Variants in PARD3B observed in about 807,000 individuals in gnomAD.
PARD3B encodes par-3 family cell polarity regulator beta.
In PARD3B, 103 loss-of-function variants were observed where a neutral mutation model predicts 130.2. The ratio of observed to expected loss-of-function variants is 0.79; its 90% CI spans 0.67 to 0.93. The LOEUF is 0.93. Among genes scored for constraint, PARD3B ranks in the 40% least tolerant of loss-of-function variants. The pLI, the probability that PARD3B is intolerant of heterozygous loss-of-function variation, is 0.00. For synonymous variants in PARD3B, 583 were observed against 553.2 expected (o/e 1.05, Z -0.76); for missense variants, 1,609 against 1,499.2 (o/e 1.07, Z -1.21).
intron 21 of PARD3B, among the ~76,000 whole-genome samples, chr2:205,524,002 C>T (rs964240963): frequency 6.6e-6 from 1 of 151,844 alleles, no homozygotes; most frequent in Non-Finnish European, 1.5e-5. Context: ...GACTGCTTCC[C>T]AAGGTTTTTT....
At chr2:204,905,043 G>A (rs1027309205) in intron 2 of PARD3B, among the ~76,000 whole-genome samples, 4 of 152,134 alleles carry the variant, frequency 2.6e-5, no homozygotes, top group Non-Finnish European at 5.9e-5. Context: ...AGATAAATTT[G>A]GGATTGAATC....
intron 2 of PARD3B, among the ~76,000 whole-genome samples, chr2:204,752,263 T>C (rs1370944552): frequency 3.9e-5 from 6 of 152,190 alleles, no homozygotes; most frequent in Non-Finnish European, 7.3e-5. Flanking sequence ...TTTATGTCTT[T>C]ATGATTCCAT....
rs1049514955 is a variant in PARD3B, at chr2:205,091,345, T to G, written c.505-13081T>G. Reference sequence around the variant, plus strand: ...AAACTGCATCATTTACACTGGGAGGTTTGTATGTGGAGTGATGTATTTTCA... The same window carrying G: ...AAACTGCATCATTTACACTGGGAGGGTTGTATGTGGAGTGATGTATTTTCA... On this transcript the variant is annotated intron_variant, in intron 4 of 22. Coordinates refer to ENST00000406610, the MANE Select transcript of PARD3B (RefSeq NM_001302769.2). This position sits in a 1 kb window ranked among gnomAD's most constrained non-coding sequence, Gnocchi z 4.2. 2.0e-5 allele frequency among the ~76,000 whole-genome samples: 3 copies of G among 152,048 alleles called. No homozygotes were observed. Among genetic ancestry groups the G allele is most frequent in the African/African-American group, 7.2e-5 (3 of 41,386 alleles).
At chr2:204,765,641 G>T (rs1239431645) in intron 2 of PARD3B, among the ~76,000 whole-genome samples, 1 of 151,968 alleles carries the variant, frequency 6.6e-6, no homozygotes, top group Non-Finnish European at 1.5e-5. Context: ...CTATTGCTAT[G>T]CAATAAAAAA....
In PARD3B at chr2:205,421,907, A is replaced by G. The variant is rs1172444141; in HGVS notation, c.2742-18463A>G. On this transcript the variant is annotated intron_variant, in intron 19 of 22. Coordinates refer to ENST00000406610, the MANE Select transcript of PARD3B (RefSeq NM_001302769.2). This position sits in a 1 kb window ranked among gnomAD's most constrained non-coding sequence, Gnocchi z 5.1. ...CCGTTGTCACTTGGCCTTCTCTCTCAGACCTTGCTTTGTCTGTTTCCATCA... is the reference window on the plus strand; with the variant it reads ...CCGTTGTCACTTGGCCTTCTCTCTCGGACCTTGCTTTGTCTGTTTCCATCA... 6.6e-6 allele frequency among the ~76,000 whole-genome samples: 1 copy of G among 152,170 alleles called. No individual in the cohort carries two copies. The highest frequency in any genetic ancestry group is 1.9e-4 in the East Asian group (1 of 5,200).
rs2034428832 is a variant in PARD3B at position 205,160,225 on chromosome 2, A to T, written c.1620+1318A>T. On this transcript the variant is annotated intron_variant, in intron 11 of 22. Transcript: ENST00000406610. The surrounding 1 kb of genome is among the most constrained non-coding windows in gnomAD (Gnocchi z 4.0). Reference sequence around the variant, plus strand: ...GTCATAATTTTTCAGTAATATACACATCAATAAGCCTTTATTTTTCTCATA... The same window carrying T: ...GTCATAATTTTTCAGTAATATACACTTCAATAAGCCTTTATTTTTCTCATA... Among the ~76,000 whole-genome samples, 1 of 152,204 alleles carries T rather than the reference A, an allele frequency of 6.6e-6. No individual in the cohort carries two copies. The highest frequency in any genetic ancestry group is 2.4e-5 in the African/African-American group (1 of 41,450).
chr2:205,043,282 T>C (rs1049124253), intron 3 of PARD3B, among the ~76,000 whole-genome samples: 1 of 152,132 alleles, frequency 6.6e-6, no homozygotes, highest in African/African-American at 2.4e-5. Flanking sequence ...CAGCTCACAA[T>C]AAATAACAAG....
chr2:205,455,505 G>A (rs1334050819), intron 20 of PARD3B, among the ~76,000 whole-genome samples: 3 of 151,840 alleles, frequency 2.0e-5, no homozygotes, highest in Non-Finnish European at 2.9e-5. Flanking sequence ...AAGTTGGGTA[G>A]GGAATTACAA....
chr2:204,972,443 A>G (rs1217952530), intron 3 of PARD3B, among the ~76,000 whole-genome samples: 1 of 152,086 alleles, frequency 6.6e-6, no homozygotes, highest in African/African-American at 2.4e-5. Flanking sequence ...TTTTATATTC[A>G]GTTAACTTTT....
At chr2:205,252,853 C>CA (rs770957813) in intron 16 of PARD3B, among the ~76,000 whole-genome samples, 10,572 of 80,360 alleles carry the variant, frequency 0.13, 1,120 homozygotes, top group East Asian at 0.33. Context: ...CCCCCCCCAC[C>CA]AAAAAAAAAA....
intron 16 of PARD3B, among the ~76,000 whole-genome samples, chr2:205,248,621 T>C: frequency 7.0e-6 from 1 of 143,676 alleles, no homozygotes; most frequent in Non-Finnish European, 1.5e-5. Context: ...TTTTTTTTTT[T>C]TTTTTGAGAC....
At chr2:205,434,120 C>A (rs2047430917) in intron 19 of PARD3B, among the ~76,000 whole-genome samples, 1 of 152,210 alleles carries the variant, frequency 6.6e-6, no homozygotes, top group Admixed American at 6.5e-5. Flanking sequence ...CTTCCACCAG[C>A]AGTGTGTGAA....
intron 2 of PARD3B, among the ~76,000 whole-genome samples, chr2:204,850,715 G>T (rs1247936107): frequency 6.6e-6 from 1 of 152,152 alleles, no homozygotes; most frequent in Non-Finnish European, 1.5e-5. Flanking sequence ...CCTTAGCTGA[G>T]CAGGCACTGA....
At chr2:204,711,992 G>GT (rs1166853289) in intron 2 of PARD3B, among the ~76,000 whole-genome samples, 1 of 152,160 alleles carries the variant, frequency 6.6e-6, no homozygotes, top group East Asian at 1.9e-4. Context: ...TAGCACTAGT[G>GT]TTTTGAAAAT....
At chr2:205,088,435 G>A (rs911551618) in intron 4 of PARD3B, among the ~76,000 whole-genome samples, 2 of 152,162 alleles carry the variant, frequency 1.3e-5, no homozygotes. Context: ...AGGGTAAAAT[G>A]TGATAAGCTG....
At chr2:204,836,586 C>A (rs1220462946) in intron 2 of PARD3B, among the ~76,000 whole-genome samples, 2 of 152,116 alleles carry the variant, frequency 1.3e-5, no homozygotes, top group Non-Finnish European at 2.9e-5. Flanking sequence ...TCGCTTGAAC[C>A]CAGGAGGCGG....
At chr2:205,086,286 G>A (rs1324387037) in intron 4 of PARD3B, among the ~76,000 whole-genome samples, 1 of 152,164 alleles carries the variant, frequency 6.6e-6, no homozygotes, top group Non-Finnish European at 1.5e-5. Flanking sequence ...GGGTATTGAA[G>A]TGCACCTCTT....
At chr2:204,585,767 C>T (rs956323072) in intron 1 of PARD3B, among the ~76,000 whole-genome samples, 2 of 152,182 alleles carry the variant, frequency 1.3e-5, no homozygotes, top group East Asian at 3.9e-4. Flanking sequence ...TCACCTCTCT[C>T]CCATTCAACA....
At position 205,021,883 on chromosome 2, in the gene PARD3B, A is replaced by G. The variant is rs1446158598; in HGVS notation, c.395-25698A>G. Among the ~76,000 whole-genome samples, 1 of 152,078 alleles carries G rather than the reference A, an allele frequency of 6.6e-6. No homozygotes were observed. Among genetic ancestry groups the G allele is most frequent in the Non-Finnish European group, 1.5e-5 (1 of 68,024 alleles). ...CCCCCTCCATTGTAAGGGTACTAAA[A>G]TCTTCATATGTGGTCAAACACCTTT... On this transcript the variant is annotated intron_variant, in intron 3 of 22. Coordinates refer to ENST00000406610, the MANE Select transcript of PARD3B (RefSeq NM_001302769.2). This position sits in a 1 kb window ranked among gnomAD's most constrained non-coding sequence, Gnocchi z 4.5.
Sources: gnomAD v4.1 joint callset for allele counts (sites outside exome capture counted in the v4.1 genomes callset) on GRCh38, gnomAD v4.1.1 for gene constraint, Gnocchi (gnomAD v3.1) non-coding constraint, MANE v1.5 for transcripts, NCBI Gene and HGNC (gene_info 2026-07-23, HGNC 2026-07-21) for gene names.